The following AMBRA1 variants were observed in gnomAD, a reference collection of about 807,000 sequenced individuals.
The protein encoded by AMBRA1 is activating molecule in BECN1-regulated autophagy protein 1.
A neutral mutation model predicts 125.4 loss-of-function variants in AMBRA1; 47 were observed. The observed-to-expected ratio is 0.37, with a 90% CI of 0.30 to 0.48. AMBRA1 has a LOEUF of 0.48. AMBRA1 is among the 20% of genes least tolerant of loss of function. The pLI is 0.99. For missense variants in AMBRA1, 1,331 were observed against 1,693.4 expected (o/e 0.79, Z 3.76); for synonymous variants, 626 against 655.5 (o/e 0.95, Z 0.69).
intron 1 of AMBRA1, among the ~76,000 whole-genome samples, chr11:46,580,089 G>C (rs1229797883): frequency 6.6e-6 from 1 of 152,142 alleles, no homozygotes; most frequent in Non-Finnish European, 1.5e-5. Context: ...ATTCAATTTA[G>C]CTTCTGGCCC....
chr11:46,491,238 T>A (rs1169031904), intron 11 of AMBRA1: 2 of 152,232 alleles, frequency 1.3e-5, no homozygotes, highest in African/African-American at 4.8e-5. Context: ...CATTTTAATG[T>A]TTTGTCCTTT....
At chr11:46,506,597 C>T (rs761636598) in intron 9 of AMBRA1, among the ~76,000 whole-genome samples, 1 of 152,144 alleles carries the variant, frequency 6.6e-6, no homozygotes, top group African/African-American at 2.4e-5. Context: ...AGACCTGACC[C>T]GGCTATGTCA....
At chr11:46,512,644 C>G in intron 8 of AMBRA1, 83 bp downstream of exon 8, 1 of 1,073,358 alleles carries the variant, frequency 9.3e-7, no homozygotes, top group Non-Finnish European at 1.4e-6. Context: ...ACCAGAGAGG[C>G]ACAGAACGGA....
Position 46,397,323 on chromosome 11 carries a change from T to C in AMBRA1, c.*127A>G, listed in dbSNP as rs2136565029. On this transcript the variant is annotated 3_prime_UTR_variant, in exon 18 of 18. Transcript: ENST00000683756. ...CACTGACTGATCTTCCTCTCCACCC[T>C]GACCCTCTTCCTCCTCCTGTTCCCT... 7.7e-7 allele frequency: 1 copy of C among 1,301,958 alleles called. No individual in the cohort carries two copies. Among genetic ancestry groups the C allele is most frequent in the Non-Finnish European group, 1.0e-6 (1 of 1,000,410 alleles). The allele number at this position is 1,301,958 out of a possible 1,614,324, so 80.7% of individuals were successfully genotyped here. A position where few individuals can be genotyped will look rare whatever the true frequency, so the allele number is the denominator to read the frequency against.
At chr11:46,582,910 G>A (rs1366167003) in intron 1 of AMBRA1, among the ~76,000 whole-genome samples, 19 of 151,074 alleles carry the variant, frequency 1.3e-4, no homozygotes, top group African/African-American at 4.1e-4. Context: ...GTTGTAAAAG[G>A]CCTCACAGGG....
chr11:46,459,802 AT>A (rs1251778829), intron 11 of AMBRA1, among the ~76,000 whole-genome samples: 3 of 152,096 alleles, frequency 2.0e-5, no homozygotes, highest in East Asian at 1.9e-4. Flanking sequence ...GAAGTAAAAA[AT>A]ATATACATTT....
intron 7 of AMBRA1, among the ~76,000 whole-genome samples, chr11:46,523,498 G>A (rs1215665520): frequency 1.3e-5 from 2 of 152,182 alleles, no homozygotes; most frequent in Non-Finnish European, 2.9e-5. Context: ...CTACCCTGAG[G>A]AGGATTAACT....
rs747879797 is a variant in AMBRA1, at chr11:46,542,520, A to C, written c.1497T>G (p.Leu499=). 22 of 1,613,280 alleles carry C rather than the reference A, an allele frequency of 1.4e-5. No individual in the cohort carries two copies. Among genetic ancestry groups the C allele is most frequent in the Non-Finnish European group, 8.5e-7 (1 of 1,180,044 alleles). The change falls in exon 7 of 18, where the codon CTT becomes CTG. Residue 499 remains leucine, a synonymous_variant. Coordinates refer to ENST00000683756, the MANE Select transcript of AMBRA1 (RefSeq NM_001387011.1). This position sits in a 1 kb window ranked among gnomAD's most constrained non-coding sequence, Gnocchi z 5.9. The part of the protein sequence containing the change: ...QNNSGSIRHE[L]QCDLRRFFLE... ...GAAAGAAGCGTCTCAGGTCACACTG[A>C]AGCTCATGGCGAATGCTGCCCGAGT...
chr11:46,515,251 C>T (rs560010713), intron 7 of AMBRA1, among the ~76,000 whole-genome samples: 1 of 152,280 alleles, frequency 6.6e-6, no homozygotes, highest in East Asian at 1.9e-4. Context: ...GATGGGTGAA[C>T]TGCCTGAGCT....
chr11:46,416,878 A>G (rs557025512), intron 15 of AMBRA1, among the ~76,000 whole-genome samples: 1 of 152,246 alleles, frequency 6.6e-6, no homozygotes, highest in Admixed American at 6.5e-5. Flanking sequence ...GAGGCTGGAA[A>G]CTGATGACAG....
At chr11:46,426,314 A>G (rs926665355) in intron 14 of AMBRA1, among the ~76,000 whole-genome samples, 3 of 152,168 alleles carry the variant, frequency 2.0e-5, no homozygotes, top group African/African-American at 7.2e-5. Context: ...AACTAAGCAC[A>G]GTGAGGGCTG....
chr11:46,445,478 C>G (rs1948239124), intron 11 of AMBRA1, among the ~76,000 whole-genome samples: 1 of 152,060 alleles, frequency 6.6e-6, no homozygotes, highest in Non-Finnish European at 1.5e-5. Flanking sequence ...AGAAAATTCC[C>G]CTTTAATAAT....
At position 46,578,348 on chromosome 11, in the gene AMBRA1, G is replaced by A. The variant is rs561761517; in HGVS notation, c.-121+15480C>T. 1.2e-4 allele frequency among the ~76,000 whole-genome samples: 18 copies of A among 151,344 alleles called. No homozygotes were observed. The East Asian group carries it at 1.6e-3, about 13-fold the overall frequency. ...CTAAAAATACAAAAATTAGCCAGGC[G>A]TGGTCATGTGCGCTTGTAATCCCAG... On this transcript the variant is annotated intron_variant, in intron 1 of 17. Transcript: ENST00000683756.
Position 46,401,265 on chromosome 11 carries a change from G to C in AMBRA1, c.3404-3322C>G, listed in dbSNP as rs1945744582. On this transcript the variant is annotated intron_variant, in intron 17 of 17. Transcript: ENST00000683756. ...TGAATTCTCAGCTCTTTTCGAGACA[G>C]AGTCTCGCTCTGTCGCCCAGACTGG... Among the ~76,000 whole-genome samples the C allele has an allele frequency of 3.0e-5, 4 of 134,592 alleles. No individual in the cohort carries two copies. The South Asian group carries it at 9.8e-4, about 33-fold the overall frequency. The allele number at this position is 134,592 out of a possible 152,430, so 88.3% of individuals were successfully genotyped here. A position where few individuals can be genotyped will look rare whatever the true frequency, so the allele number is the denominator to read the frequency against.
In AMBRA1 at chr11:46,433,460, G is replaced by A. The variant is rs778841023; in HGVS notation, c.2976+14C>T. On this transcript the variant is annotated intron_variant, in intron 14 of 17. Coordinates refer to ENST00000683756, the MANE Select transcript of AMBRA1 (RefSeq NM_001387011.1). ...GAGCTGCCATACAGTGAAGGCACAA[G>A]CAATGGCACTCACCCTCATGGAGGT... 3 of 1,612,782 alleles carry A rather than the reference G, an allele frequency of 1.9e-6. No homozygotes were observed. The highest frequency in any genetic ancestry group is 2.5e-6 in the Non-Finnish European group (3 of 1,179,164).
chr11:46,500,826 C>G (rs931305870), intron 9 of AMBRA1, among the ~76,000 whole-genome samples: 1 of 152,216 alleles, frequency 6.6e-6, no homozygotes, highest in African/African-American at 2.4e-5. Context: ...GCTTTCTCAC[C>G]TCTCCCCAAA....
intron 17 of AMBRA1, among the ~76,000 whole-genome samples, chr11:46,401,306 T>C (rs181509821): frequency 1.3e-4 from 20 of 152,280 alleles, no homozygotes; most frequent in Admixed American, 1.3e-3. Context: ...AGTGACATGA[T>C]CTCAGCTCAC....
intron 11 of AMBRA1, among the ~76,000 whole-genome samples, chr11:46,449,209 C>T (rs575768768): frequency 6.6e-6 from 1 of 152,148 alleles, no homozygotes; most frequent in African/African-American, 2.4e-5. Context: ...AACCACCCCC[C>T]ACCGCAAAAC....
intron 11 of AMBRA1, among the ~76,000 whole-genome samples, chr11:46,444,240 A>AT (rs1182106013): frequency 1.3e-5 from 2 of 152,218 alleles, no homozygotes; most frequent in African/African-American, 2.4e-5. Context: ...GCATCAGAAT[A>AT]TTTTTATTAA....
Sources: gnomAD v4.1 joint callset for allele counts (sites outside exome capture counted in the v4.1 genomes callset) on GRCh38, gnomAD v4.1.1 for gene constraint, Gnocchi (gnomAD v3.1) non-coding constraint, MANE v1.5 for transcripts, NCBI Gene and HGNC (gene_info 2026-07-23, HGNC 2026-07-21) for gene names.